Variants in LRP1B observed in about 807,000 individuals in gnomAD.
LRP1B encodes the protein LDL receptor related protein 1B.
Under a neutral mutation model 556.6 loss-of-function variants are expected in LRP1B, and 217 were observed. The observed-to-expected ratio is 0.39, with a 90% CI of 0.35 to 0.44. The LOEUF is 0.44. Among genes scored for constraint, LRP1B ranks in the 20% least tolerant of loss-of-function variants. The probability of loss-of-function intolerance (pLI) is 1.00; values close to 1 mark genes in which losing one functional copy is unlikely to be tolerated. For missense variants in LRP1B, 5,053 were observed against 5,620.8 expected (o/e 0.90, Z 3.23); for synonymous variants, 2,047 against 1,865.8 (o/e 1.10, Z -2.50).
chr2:141,389,083 C>A (rs10171196), intron 3 of LRP1B, among the ~76,000 whole-genome samples: 3,971 of 152,092 alleles, frequency 0.026, 169 homozygotes, highest in African/African-American at 0.091. Context: ...TCAGTGTTAG[C>A]CTATTAAAAT....
chr2:142,053,022 C>A (rs184992509), intron 1 of LRP1B, among the ~76,000 whole-genome samples: 1 of 152,062 alleles, frequency 6.6e-6, no homozygotes, highest in African/African-American at 2.4e-5. Context: ...TTGCTTAGAT[C>A]CATCATAAGG....
chr2:142,015,759 C>T (rs1195094492), intron 1 of LRP1B, among the ~76,000 whole-genome samples: 1 of 151,802 alleles, frequency 6.6e-6, no homozygotes, highest in Non-Finnish European at 1.5e-5. Flanking sequence ...TTTGGGAGGC[C>T]GAGGCGGGCG....
intron 77 of LRP1B, among the ~76,000 whole-genome samples, chr2:140,340,518 T>C (rs1417131698): frequency 6.6e-6 from 1 of 151,528 alleles, no homozygotes; most frequent in Admixed American, 6.6e-5. Context: ...TCCAGGTCAT[T>C]CACATATGTG....
At chr2:141,236,897 A>G (rs1354038054) in intron 5 of LRP1B, among the ~76,000 whole-genome samples, 1 of 152,182 alleles carries the variant, frequency 6.6e-6, no homozygotes, top group Non-Finnish European at 1.5e-5. Flanking sequence ...AACCTCTTCT[A>G]TGGTCCTCCA....
chr2:141,692,277 A>C (rs757284920), intron 2 of LRP1B, among the ~76,000 whole-genome samples: 4 of 152,018 alleles, frequency 2.6e-5, no homozygotes, highest in Non-Finnish European at 5.9e-5. Flanking sequence ...GAAGAACTGC[A>C]TGATGTTCTA....
rs1007945422 is a variant in LRP1B, at chr2:141,524,471, A to T, written c.206-43938T>A. On this transcript the variant is annotated intron_variant, in intron 2 of 90. Coordinates refer to ENST00000389484, the MANE Select transcript of LRP1B (RefSeq NM_018557.3). Reference sequence around the variant, plus strand: ...TCTAGGTCAAGCTTGTCTGCAAGCCATGGCTCTGTAGGCCACATGCGGCCC... The same window carrying T: ...TCTAGGTCAAGCTTGTCTGCAAGCCTTGGCTCTGTAGGCCACATGCGGCCC... 5.3e-5 allele frequency among the ~76,000 whole-genome samples: 8 copies of T among 152,228 alleles called. No individual in the cohort carries two copies. The East Asian group carries it at 1.5e-3, about 29-fold the overall frequency.
intron 2 of LRP1B, among the ~76,000 whole-genome samples, chr2:141,650,980 ACCTTCAACAG>A (rs1689766616): frequency 1.3e-5 from 2 of 152,204 alleles, no homozygotes; most frequent in South Asian, 4.1e-4. Context: ...AGAGGTAGGC[ACCTTCAACAG>A]CCATTGAGTA....
intron 15 of LRP1B, among the ~76,000 whole-genome samples, chr2:141,001,504 G>A (rs1322090074): frequency 6.6e-6 from 1 of 152,002 alleles, no homozygotes; most frequent in African/African-American, 2.4e-5. Flanking sequence ...AGTGTGTGAT[G>A]TTCCCCACCC....
chr2:140,693,609 C>G (rs949129364), intron 41 of LRP1B, among the ~76,000 whole-genome samples: 1 of 151,910 alleles, frequency 6.6e-6, no homozygotes, highest in Admixed American at 6.5e-5. Flanking sequence ...TTATGTCCTT[C>G]ATAAACATTT....
intron 2 of LRP1B, among the ~76,000 whole-genome samples, chr2:141,627,313 GCA>G (rs890669595): frequency 1.1e-4 from 16 of 152,206 alleles, no homozygotes; most frequent in African/African-American, 3.1e-4. Context: ...AGTAGGCAGA[GCA>G]CAGAGGATTT....
At chr2:140,650,941 G>A (rs1400811413) in intron 41 of LRP1B, among the ~76,000 whole-genome samples, 2 of 152,082 alleles carry the variant, frequency 1.3e-5, no homozygotes, top group African/African-American at 4.8e-5. Flanking sequence ...ACATGTTAAA[G>A]TGAAAGATGG....
At chr2:140,651,947 C>G (rs1236595624) in intron 41 of LRP1B, among the ~76,000 whole-genome samples, 1 of 151,864 alleles carries the variant, frequency 6.6e-6, no homozygotes, top group African/African-American at 2.4e-5. Flanking sequence ...ATTCTAAAGG[C>G]TTAGGAAAAC....
intron 15 of LRP1B, among the ~76,000 whole-genome samples, chr2:141,001,745 C>G (rs1697431786): frequency 6.6e-6 from 1 of 152,078 alleles, no homozygotes; most frequent in Non-Finnish European, 1.5e-5. Flanking sequence ...ATGATGAGAC[C>G]AGGCAGAAGT....
chr2:140,993,034 C>A (rs1178125956), intron 16 of LRP1B, among the ~76,000 whole-genome samples: 3 of 151,894 alleles, frequency 2.0e-5, no homozygotes, highest in African/African-American at 7.2e-5. Flanking sequence ...TGTCCTGAAG[C>A]ATCGATGTTT....
In LRP1B at chr2:141,283,986, G is replaced by A. The variant is rs998371546; in HGVS notation, c.344-29345C>T. Among the ~76,000 whole-genome samples the A allele has an allele frequency of 7.9e-5, 12 of 152,192 alleles. No individual in the cohort carries two copies. The South Asian group carries it at 8.3e-4, about 10-fold the overall frequency. ...GGAAGAGTAGATGAGGTCACACGCT[G>A]AGAATTAAGCAGGAGGTGGCACAGT... On this transcript the variant is annotated intron_variant, in intron 3 of 90. Transcript: ENST00000389484.
intron 7 of LRP1B, among the ~76,000 whole-genome samples, chr2:141,147,498 G>A (rs1701815227): frequency 1.3e-5 from 2 of 152,122 alleles, no homozygotes; most frequent in Non-Finnish European, 2.9e-5. Context: ...AGTAAAATAT[G>A]TATTAACAGA....
At chr2:140,872,360 A>ATTTTTTTTTTT (rs59469282) in intron 25 of LRP1B, among the ~76,000 whole-genome samples, 670 of 60,444 alleles carry the variant, frequency 0.011, 72 homozygotes, top group Admixed American at 0.017. Flanking sequence ...GTGTCACCTG[A>ATTTTTTTTTTT]TTTTTTTTTT....
rs1339496296 is a variant in LRP1B, at chr2:140,623,956, G to GTGTATATATATATATATATATA, written c.6800-22318_6800-22317insTATATATATATATATATATACA. Among the ~76,000 whole-genome samples, 22 of 106,430 alleles carry GTGTATATATATATATATATATA rather than the reference G, an allele frequency of 2.1e-4. 1 individual carries two copies. The highest frequency in any genetic ancestry group is 3.1e-4 in the African/African-American group (9 of 29,430). The allele number at this position is 106,430 out of a possible 152,430, so 69.8% of individuals were successfully genotyped here. ...AAAATATATATTATATTTTATTTAT[G>GTGTATATATATATATATATATA]TATATATATATATATATAGCTTAGT... On this transcript the variant is annotated intron_variant, in intron 41 of 90. Coordinates refer to ENST00000389484, the MANE Select transcript of LRP1B (RefSeq NM_018557.3).
At chr2:141,771,141 T>C (rs892766185) in intron 2 of LRP1B, among the ~76,000 whole-genome samples, 4 of 152,234 alleles carry the variant, frequency 2.6e-5, no homozygotes, top group African/African-American at 7.2e-5. Flanking sequence ...TATAACTAGA[T>C]GTTCTAAGTG....
Sources: allele counts gnomAD v4.1 joint callset (sites outside exome capture counted in the v4.1 genomes callset), GRCh38; gene constraint gnomAD v4.1.1; transcripts MANE v1.5; gene names NCBI Gene and HGNC (gene_info 2026-07-23, HGNC 2026-07-21).